Variants in VEPH1 observed in about 807,000 individuals in gnomAD.
VEPH1 encodes ventricular zone-expressed PH domain-containing protein homolog 1.
A neutral mutation model predicts 85.2 loss-of-function variants in VEPH1; 80 were observed. That is an observed-to-expected ratio of 0.94 (90% CI 0.78 to 1.13). VEPH1 has a LOEUF of 1.13. Among genes scored for constraint, VEPH1 ranks in the 50% most tolerant of loss-of-function variants. The pLI is 0.00. For synonymous variants in VEPH1, 297 were observed against 348.0 expected, an observed-to-expected ratio of 0.85 and a Z score of 1.63; for missense variants, 955 against 980.5, an observed-to-expected ratio of 0.97 and a Z score of 0.35.
intron 9 of VEPH1, among the ~76,000 whole-genome samples, chr3:157,324,183 G>C (rs1721644138): frequency 6.6e-6 from 1 of 152,144 alleles, no homozygotes; most frequent in Non-Finnish European, 1.5e-5. Context: ...CACTCCCTGA[G>C]TAGCTGGGAT....
rs548019251 is a variant in VEPH1 at position 157,456,611 on chromosome 3, C to T, written c.529+3570G>A. Among the ~76,000 whole-genome samples, 16 of 152,250 alleles carry T rather than the reference C, an allele frequency of 1.1e-4. No individual in the cohort carries two copies. In the East Asian group the frequency reaches 2.9e-3, roughly 28 times the overall value. ...ATATGACTAGGCAGTTATTCCAGCA[C>T]CTTTTATTGAATAGGTAGTCTTTTG... On this transcript the variant is annotated intron_variant, in intron 4 of 13. Coordinates refer to ENST00000362010, the MANE Select transcript of VEPH1 (RefSeq NM_001167912.2).
intron 2 of VEPH1, among the ~76,000 whole-genome samples, chr3:157,475,279 C>T (rs959804959): frequency 2.0e-5 from 3 of 151,736 alleles, no homozygotes; most frequent in Admixed American, 2.0e-4. Flanking sequence ...AAGTGTGAGC[C>T]ACCATGTCCA....
At chr3:157,306,246 C>T (rs1719497514) in intron 11 of VEPH1, among the ~76,000 whole-genome samples, 1 of 152,094 alleles carries the variant, frequency 6.6e-6, no homozygotes, top group Admixed American at 6.5e-5. Flanking sequence ...TTTCCTCCTT[C>T]CTTTCCTCAC....
intron 11 of VEPH1, among the ~76,000 whole-genome samples, chr3:157,293,210 C>A (rs1717737010): frequency 6.6e-6 from 1 of 152,066 alleles, no homozygotes; most frequent in African/African-American, 2.4e-5. Flanking sequence ...CATGGGGGAG[C>A]AGACTCTAAG....
chr3:157,429,095 T>C (rs1035092526), intron 4 of VEPH1, among the ~76,000 whole-genome samples: 12 of 152,218 alleles, frequency 7.9e-5, no homozygotes, highest in African/African-American at 2.9e-4. Flanking sequence ...AAGATATGTA[T>C]AGACAACTAG....
chr3:157,439,897 C>T (rs928263288), intron 4 of VEPH1, among the ~76,000 whole-genome samples: 2 of 152,150 alleles, frequency 1.3e-5, no homozygotes, highest in Non-Finnish European at 2.9e-5. Context: ...ACTACAGGTG[C>T]TCGCCACCTT....
At chr3:157,384,572 G>A (rs1348127131) in intron 6 of VEPH1, among the ~76,000 whole-genome samples, 2 of 152,148 alleles carry the variant, frequency 1.3e-5, no homozygotes, top group Admixed American at 1.3e-4. Context: ...GGTGAAGGTC[G>A]TTGTTTGGGT....
chr3:157,294,073 A>G (rs1416950622), intron 11 of VEPH1, among the ~76,000 whole-genome samples: 1 of 152,122 alleles, frequency 6.6e-6, no homozygotes, highest in Non-Finnish European at 1.5e-5. Flanking sequence ...ATTTAGTACT[A>G]CTTGTTAAAT....
chr3:157,281,057 G>T (rs73016264), intron 12 of VEPH1, among the ~76,000 whole-genome samples: 1 of 151,624 alleles, frequency 6.6e-6, no homozygotes. Context: ...CTGCTTAGGG[G>T]TGGTATGTAG....
intron 6 of VEPH1, among the ~76,000 whole-genome samples, chr3:157,390,737 T>C (rs956691192): frequency 1.2e-4 from 18 of 152,314 alleles, no homozygotes; most frequent in African/African-American, 2.4e-4. Flanking sequence ...TGATAAAAGC[T>C]GAAACATGTT....
chr3:157,435,297 T>G (rs1733473073), intron 4 of VEPH1, among the ~76,000 whole-genome samples: 2 of 152,248 alleles, frequency 1.3e-5, no homozygotes, highest in African/African-American at 4.8e-5. Context: ...TTCTCATTTA[T>G]AGTGGTTTGC....
At chr3:157,368,973 G>A (rs1727070431) in intron 7 of VEPH1, among the ~76,000 whole-genome samples, 1 of 151,594 alleles carries the variant, frequency 6.6e-6, no homozygotes, top group Non-Finnish European at 1.5e-5. Flanking sequence ...ATAAATCCCT[G>A]CTGCACTGTG....
intron 9 of VEPH1, among the ~76,000 whole-genome samples, chr3:157,362,176 G>A (rs1193077363): frequency 2.6e-5 from 4 of 151,852 alleles, no homozygotes; most frequent in African/African-American, 4.8e-5. Flanking sequence ...GATTATAAGC[G>A]TCAGCCACCA....
intron 1 of VEPH1, among the ~76,000 whole-genome samples, chr3:157,496,627 G>A (rs1660762512): frequency 6.6e-6 from 1 of 152,108 alleles, no homozygotes; most frequent in Non-Finnish European, 1.5e-5. Context: ...CAGAAAGAGT[G>A]TGAAAAGGGA....
chr3:157,320,435 G>A (rs1721230529), intron 9 of VEPH1, among the ~76,000 whole-genome samples: 1 of 152,078 alleles, frequency 6.6e-6, no homozygotes, highest in Non-Finnish European at 1.5e-5. Flanking sequence ...AACCCTGAAA[G>A]CAATCACATA....
intron 2 of VEPH1, among the ~76,000 whole-genome samples, chr3:157,485,346 C>G (rs1370667123): frequency 6.6e-6 from 1 of 152,140 alleles, no homozygotes; most frequent in African/African-American, 2.4e-5. Flanking sequence ...CTATGTATGA[C>G]TACTGCCTGG....
chr3:157,408,249 C>T (rs922243548), intron 6 of VEPH1, among the ~76,000 whole-genome samples: 1 of 152,140 alleles, frequency 6.6e-6, no homozygotes, highest in African/African-American at 2.4e-5. Context: ...TGGCTCATCA[C>T]ATGTTTGTTG....
intron 12 of VEPH1, among the ~76,000 whole-genome samples, chr3:157,281,028 A>C (rs1192667874): frequency 6.6e-6 from 1 of 152,080 alleles, no homozygotes; most frequent in African/African-American, 2.4e-5. Context: ...TGGAAAGGAC[A>C]GAGAGAGAGA....
chr3:157,407,300 T>C (rs1422248905), intron 6 of VEPH1, among the ~76,000 whole-genome samples: 1 of 152,190 alleles, frequency 6.6e-6, no homozygotes, highest in Non-Finnish European at 1.5e-5. Flanking sequence ...GCTGTTTATA[T>C]AGCTGGGGAG....
Sources: allele counts gnomAD v4.1 joint callset (sites outside exome capture counted in the v4.1 genomes callset), GRCh38; gene constraint gnomAD v4.1.1; transcripts MANE v1.5; gene names NCBI Gene and HGNC (gene_info 2026-07-23, HGNC 2026-07-21).